Variants in STK39 observed in about 807,000 individuals in gnomAD.
STK39 encodes the protein STE20/SPS1-related proline-alanine-rich protein kinase.
In STK39, 20 loss-of-function variants were observed where a neutral mutation model predicts 77.8. The observed-to-expected ratio is 0.26, with a 90% CI of 0.18 to 0.37. The LOEUF is 0.37. Ranked by LOEUF, STK39 falls within the 10% of genes least tolerant of loss-of-function variation. STK39 has a pLI of 1.00. For missense variants in STK39, 479 were observed against 656.5 expected (o/e 0.73, Z 2.95); for synonymous variants, 246 against 234.1 (o/e 1.05, Z -0.47).
At chr2:167,987,490 T>A (rs934696945) in intron 16 of STK39, among the ~76,000 whole-genome samples, 11 of 151,908 alleles carry the variant, frequency 7.2e-5, no homozygotes, top group South Asian at 4.2e-4. Flanking sequence ...GGGACAAAAA[T>A]ATATATATAT....
intron 4 of STK39, 200 bp downstream of exon 4, chr2:168,163,539 T>C: frequency 3.2e-6 from 3 of 944,726 alleles, no homozygotes; most frequent in Non-Finnish European, 3.8e-6. Flanking sequence ...TAAGTTAAAG[T>C]AATGTCAATA....
At chr2:168,011,693 G>A (rs970268511) in intron 16 of STK39, among the ~76,000 whole-genome samples, 1 of 152,102 alleles carries the variant, frequency 6.6e-6, no homozygotes, top group African/African-American at 2.4e-5. Flanking sequence ...CCCATCAGCA[G>A]GCCTATGTTG....
intron 1 of STK39, among the ~76,000 whole-genome samples, chr2:168,182,910 C>A (rs180722047): frequency 6.6e-6 from 1 of 152,206 alleles, no homozygotes; most frequent in Non-Finnish European, 1.5e-5. Context: ...TGCAAGATAG[C>A]CAACAACAGA....
intron 5 of STK39, among the ~76,000 whole-genome samples, chr2:168,161,090 G>A (rs1688559177): frequency 6.6e-6 from 1 of 152,142 alleles, no homozygotes; most frequent in South Asian, 2.1e-4. Flanking sequence ...GCCAAAAAAT[G>A]CCAAGAACAC....
chr2:167,994,725 C>G (rs1378370364), intron 16 of STK39, among the ~76,000 whole-genome samples: 2 of 152,172 alleles, frequency 1.3e-5, no homozygotes, highest in Non-Finnish European at 2.9e-5. Context: ...GCTTCTTACA[C>G]TTAGCATAAT....
chr2:168,205,420 T>C (rs1274001087), intron 1 of STK39, among the ~76,000 whole-genome samples: 3 of 152,176 alleles, frequency 2.0e-5, no homozygotes, highest in Non-Finnish European at 4.4e-5. Context: ...TGAGCATATA[T>C]TGAATTGCAA....
chr2:168,093,169 C>A (rs1206817153), intron 10 of STK39, among the ~76,000 whole-genome samples: 2 of 152,214 alleles, frequency 1.3e-5, no homozygotes, highest in African/African-American at 4.8e-5. Context: ...CTGAGCTTTT[C>A]CATAAAGCTC....
Position 168,151,279 on chromosome 2 carries a change from A to C in STK39, c.628+10508T>G, listed in dbSNP as rs150614280. Reference sequence around the variant, plus strand: ...ATCATAAGACAGTCCATAAAGGTAGAGTTTCATCTTTTAAAATAAAAGAAA... The same window carrying C: ...ATCATAAGACAGTCCATAAAGGTAGCGTTTCATCTTTTAAAATAAAAGAAA... On this transcript the variant is annotated intron_variant, in intron 5 of 17. Transcript: ENST00000355999. 5.2e-3 allele frequency among the ~76,000 whole-genome samples: 787 copies of C among 152,340 alleles called. 6 individuals are homozygous for C. The highest frequency in any genetic ancestry group is 0.033 in the South Asian group (159 of 4,824).
At chr2:168,235,951 A>G (rs529875013) in intron 1 of STK39, among the ~76,000 whole-genome samples, 4,851 of 151,982 alleles carry the variant, frequency 0.032, 401 homozygotes, top group East Asian at 0.22. Flanking sequence ...ATGATTTATA[A>G]TCCTTTGGGT....
intron 16 of STK39, among the ~76,000 whole-genome samples, chr2:167,999,505 A>G (rs1683937240): frequency 6.6e-6 from 1 of 152,094 alleles, no homozygotes; most frequent in African/African-American, 2.4e-5. Context: ...TCTGTGGCCC[A>G]GGCTGGGGTG....
chr2:168,100,663 T>A (rs1336609062), intron 10 of STK39, among the ~76,000 whole-genome samples: 2 of 152,158 alleles, frequency 1.3e-5, no homozygotes, highest in Non-Finnish European at 2.9e-5. Context: ...ATTTTTGCAA[T>A]CTATCCATCT....
At chr2:168,121,721 C>T (rs1018746646) in intron 10 of STK39, among the ~76,000 whole-genome samples, 1 of 152,188 alleles carries the variant, frequency 6.6e-6, no homozygotes, top group African/African-American at 2.4e-5. Flanking sequence ...GTCCAGTCTT[C>T]CGTAGCCACA....
At chr2:168,021,557 G>C (rs563649042) in intron 14 of STK39, among the ~76,000 whole-genome samples, 1 of 152,232 alleles carries the variant, frequency 6.6e-6, no homozygotes, top group Non-Finnish European at 1.5e-5. Context: ...CTTGATTTCA[G>C]GGAAGCTGAA....
intron 1 of STK39, among the ~76,000 whole-genome samples, chr2:168,236,802 G>A (rs1049325119): frequency 9.2e-5 from 14 of 151,946 alleles, no homozygotes; most frequent in Non-Finnish European, 1.8e-4. Flanking sequence ...TGTTCCATTG[G>A]TCTATATCTC....
rs150985428 is a variant in STK39 at position 168,077,450 on chromosome 2, A to T, written c.1090-2219T>A. Among the ~76,000 whole-genome samples, 7 of 152,250 alleles carry T rather than the reference A, an allele frequency of 4.6e-5. No homozygotes were observed. The East Asian group carries it at 1.4e-3, about 29-fold the overall frequency. ...CTCTGTTTGTTTTATTTGCTGGAAG[A>T]GAGAAAGATAAAACAAAATGTCTAG... On this transcript the variant is annotated intron_variant, in intron 10 of 17. Transcript: ENST00000355999.
intron 1 of STK39, among the ~76,000 whole-genome samples, chr2:168,195,971 C>T (rs1689459310): frequency 6.6e-6 from 1 of 151,928 alleles, no homozygotes; most frequent in African/African-American, 2.4e-5. Context: ...GGGCCAAGAT[C>T]GTGCCATTGC....
chr2:168,081,264 C>A (rs1686223156), intron 10 of STK39, among the ~76,000 whole-genome samples: 1 of 152,206 alleles, frequency 6.6e-6, no homozygotes, highest in African/African-American at 2.4e-5. Context: ...TACAAAGCCA[C>A]AGGGACAGAG....
intron 1 of STK39, among the ~76,000 whole-genome samples, chr2:168,196,856 T>C (rs760375371): frequency 1.8e-4 from 27 of 151,984 alleles, no homozygotes; most frequent in Non-Finnish European, 3.4e-4. Context: ...AGGAATGATT[T>C]TGGAGAGCTC....
At chr2:168,047,574 C>T (rs901248227) in intron 14 of STK39, among the ~76,000 whole-genome samples, 1 of 152,160 alleles carries the variant, frequency 6.6e-6, no homozygotes, top group African/African-American at 2.4e-5. Context: ...AGAGCTTCTC[C>T]ATTAAGACAA....
Sources: allele counts gnomAD v4.1 joint callset (sites outside exome capture counted in the v4.1 genomes callset), GRCh38; gene constraint gnomAD v4.1.1; transcripts MANE v1.5; gene names NCBI Gene and HGNC (gene_info 2026-07-23, HGNC 2026-07-21).